Variants in TPGS2 observed in about 807,000 individuals in gnomAD.
The protein encoded by TPGS2 is tubulin polyglutamylase complex subunit 2, also known as polyglutamylase subunit 2.
TPGS2 carries 26 observed loss-of-function variants against 31.1 expected under a neutral mutation model. The ratio of observed to expected loss-of-function variants is 0.84; its 90% CI spans 0.61 to 1.16. The LOEUF (loss-of-function observed/expected upper bound fraction) is 1.16. Among genes scored for constraint, TPGS2 ranks in the 50% most tolerant of loss-of-function variants. The pLI is 0.00. For synonymous variants in TPGS2, 130 were observed against 136.6 expected (o/e 0.95, Z 0.34); for missense variants, 351 against 363.8 (o/e 0.96, Z 0.29).
At chr18:36,782,225 C>G (rs4433879), downstream of TPGS2, among the ~76,000 whole-genome samples, 3,222 of 152,158 alleles carry the variant, frequency 0.021, 121 homozygotes, top group African/African-American at 0.074. Context: ...TTGAATAAAC[C>G]TAATCTTAAT....
rs760674161 is a variant in TPGS2 at position 36,807,827 on chromosome 18, CT to C, written c.253+19del. On this transcript the variant is annotated intron_variant, in intron 3 of 6. Coordinates refer to ENST00000334295, the MANE Select transcript of TPGS2 (RefSeq NM_015476.4). Reference sequence around the variant, plus strand: ...ATCTCTCAGCCAGGGAAATGTTCTCCTACAAGGAGGCTGACTCACCATCCAG... The same window carrying C: ...ATCTCTCAGCCAGGGAAATGTTCTCCACAAGGAGGCTGACTCACCATCCAG... 1 of 1,611,908 alleles carries C rather than the reference CT, an allele frequency of 6.2e-7. No individual in the cohort carries two copies. The highest frequency in any genetic ancestry group is 1.1e-5 in the South Asian group (1 of 90,968).
At chr18:36,786,955 A>C (rs750899472) in intron 6 of TPGS2, 3 of 1,233,814 alleles carry the variant, frequency 2.4e-6, no homozygotes, top group Non-Finnish European at 3.0e-6. Flanking sequence ...CATGCTGCTG[A>C]CTCTTTGCTT....
intron 4 of TPGS2, among the ~76,000 whole-genome samples, chr18:36,802,435 G>A (rs1032794909): frequency 6.6e-6 from 1 of 151,896 alleles, no homozygotes; most frequent in African/African-American, 2.4e-5. Flanking sequence ...GCAGAGTCTT[G>A]CTCTGGTAAA....
At chr18:36,819,018 T>C (rs2045783192) in intron 1 of TPGS2, 45 bp from the exon 2 acceptor site, 2 of 1,505,592 alleles carry the variant, frequency 1.3e-6, no homozygotes, top group South Asian at 1.2e-5. Context: ...TGGTCCGCTG[T>C]CATACATTTC....
downstream of TPGS2, among the ~76,000 whole-genome samples, chr18:36,782,833 A>G (rs953113941): frequency 2.6e-5 from 4 of 152,220 alleles, no homozygotes; most frequent in Non-Finnish European, 5.9e-5. Context: ...TGGAAATGAA[A>G]TGAACGTTTG....
At chr18:36,787,571 A>T (rs557037707) in intron 6 of TPGS2, among the ~76,000 whole-genome samples, 2 of 152,366 alleles carry the variant, frequency 1.3e-5, no homozygotes, top group South Asian at 4.1e-4. Flanking sequence ...GTATTTATAC[A>T]GGAAGAGCTG....
Position 36,796,691 on chromosome 18 carries a change from A to C in TPGS2, c.*114T>G. 2.0e-6 allele frequency: 3 copies of C among 1,465,478 alleles called. No individual in the cohort carries two copies. The South Asian group carries it at 4.8e-5, about 23-fold the overall frequency. The allele number at this position is 1,465,478 out of a possible 1,614,324, so 90.8% of individuals were successfully genotyped here. ...GACTAAAAGCCTTACAATTTTGGTC[A>C]TTCAACTAGAAAGAGGCCTACGGTC... On this transcript the variant is annotated 3_prime_UTR_variant, in exon 7 of 7. Coordinates refer to ENST00000334295, the MANE Select transcript of TPGS2 (RefSeq NM_015476.4).
chr18:36,816,409 A>C (rs2045654541), intron 2 of TPGS2, among the ~76,000 whole-genome samples: 1 of 152,240 alleles, frequency 6.6e-6, no homozygotes, highest in Non-Finnish European at 1.5e-5. Context: ...AAATGGGTAA[A>C]GTCTTCTCCT....
Position 36,795,257 on chromosome 18 carries a change from T to G in TPGS2, c.*1548A>C, listed in dbSNP as rs1196495884. The stretch of plus-strand genomic sequence containing the variant: ...CTGTGGACTGCTCTTAGTTCCCCAG[T>G]GGGTTTGGAAGAGGGAAACCCTGGG... On this transcript the variant is annotated 3_prime_UTR_variant, in exon 7 of 7. Coordinates refer to ENST00000334295, the MANE Select transcript of TPGS2 (RefSeq NM_015476.4). The G allele has an allele frequency of 4.1e-6, 4 of 985,286 alleles. No individual in the cohort carries two copies. The Admixed American group carries it at 1.8e-4, about 45-fold the overall frequency. The allele number at this position is 985,286 out of a possible 1,614,324, so 61.0% of individuals were successfully genotyped here.
At chr18:36,782,092 A>G (rs1252337313), downstream of TPGS2, among the ~76,000 whole-genome samples, 1 of 152,254 alleles carries the variant, frequency 6.6e-6, no homozygotes, top group Non-Finnish European at 1.5e-5. Context: ...ATGCACAGAC[A>G]AAAGGAAGCT....
chr18:36,812,916 C>G (rs1410158080), intron 2 of TPGS2, among the ~76,000 whole-genome samples: 3 of 152,250 alleles, frequency 2.0e-5, no homozygotes, highest in Admixed American at 6.5e-5. Context: ...CACATTTGGT[C>G]ATGGAAATTT....
chr18:36,793,362 G>C (rs761967656), downstream of TPGS2, among the ~76,000 whole-genome samples: 7 of 152,212 alleles, frequency 4.6e-5, no homozygotes, highest in Non-Finnish European at 1.5e-5. Flanking sequence ...TGAGTACAAA[G>C]TAAGCATCTT....
At position 36,798,431 on chromosome 18, in the gene TPGS2, CA is replaced by C. The variant is rs1460553145; in HGVS notation, c.657+17del. The C allele has an allele frequency of 3.1e-6, 5 of 1,613,914 alleles. No individual in the cohort carries two copies. The highest frequency in any genetic ancestry group is 2.5e-6 in the Non-Finnish European group (3 of 1,179,986). On this transcript the variant is annotated intron_variant, in intron 6 of 6. Transcript: ENST00000334295. ...TGGAATATACCATAGTTTACAATGGCAGGTGTTCCTCCCTTACCTTGGCCTG... is the reference window on the plus strand; with the variant it reads ...TGGAATATACCATAGTTTACAATGGCGGTGTTCCTCCCTTACCTTGGCCTG...
At chr18:36,817,349 T>C (rs1338334387) in intron 2 of TPGS2, among the ~76,000 whole-genome samples, 1 of 152,166 alleles carries the variant, frequency 6.6e-6, no homozygotes, top group Admixed American at 6.5e-5. Context: ...AAAGGACATG[T>C]TCTTAGAGGC....
In TPGS2 at chr18:36,818,819, C is replaced by T. The variant is rs546246149; in HGVS notation, c.165+75G>A. 11 of 1,354,952 alleles carry T rather than the reference C, an allele frequency of 8.1e-6. No individual in the cohort carries two copies. In the South Asian group the frequency reaches 1.4e-4, roughly 18 times the overall value. 83.9% of individuals were successfully genotyped at this position (1,354,952 alleles called of 1,614,324 possible). A position where few individuals can be genotyped will look rare whatever the true frequency, so the allele number is the denominator to read the frequency against. The stretch of plus-strand genomic sequence containing the variant: ...GGTCTGAGTAAATATTCTTCCTCCC[C>T]TAATCTTTCCTTCTCAGGGACATTT... On this transcript the variant is annotated intron_variant, in intron 2 of 6. Coordinates refer to ENST00000334295, the MANE Select transcript of TPGS2 (RefSeq NM_015476.4).
At chr18:36,788,396 A>C (rs1330668206) in intron 6 of TPGS2, among the ~76,000 whole-genome samples, 1 of 152,188 alleles carries the variant, frequency 6.6e-6, no homozygotes, top group African/African-American at 2.4e-5. Flanking sequence ...AGTACCATCC[A>C]TATCACCGTC....
intron 2 of TPGS2, among the ~76,000 whole-genome samples, chr18:36,818,228 C>T (rs1028759841): frequency 6.6e-6 from 1 of 152,160 alleles, no homozygotes; most frequent in Admixed American, 6.5e-5. Flanking sequence ...AACCTCTAGA[C>T]TAGGGCAGGT....
In TPGS2 at chr18:36,828,969, A is replaced by C; in HGVS notation, c.-202T>G. On this transcript the variant is annotated 5_prime_UTR_variant, in exon 1 of 7. Transcript: ENST00000334295. Reference sequence around the variant, plus strand: ...TTCCCGCGGCCCCGCCCGGTGCCCCACACCGCACCTCCGGGACGTAGCTTC... The same window carrying C: ...TTCCCGCGGCCCCGCCCGGTGCCCCCCACCGCACCTCCGGGACGTAGCTTC... 1 of 1,027,644 alleles carries C rather than the reference A, an allele frequency of 9.7e-7. No individual in the cohort carries two copies. The highest frequency in any genetic ancestry group is 1.8e-5 in the South Asian group (1 of 57,054). 63.7% of individuals were successfully genotyped at this position (1,027,644 alleles called of 1,614,324 possible). A position where few individuals can be genotyped will look rare whatever the true frequency, so the allele number is the denominator to read the frequency against.
chr18:36,827,500 A>G (rs1202927103), intron 1 of TPGS2, among the ~76,000 whole-genome samples: 6 of 152,234 alleles, frequency 3.9e-5, no homozygotes, highest in Non-Finnish European at 7.3e-5. Flanking sequence ...GAACCCGCTT[A>G]GTGTGTTTAA....
Sources: gnomAD v4.1 joint callset for allele counts (sites outside exome capture counted in the v4.1 genomes callset) on GRCh38, gnomAD v4.1.1 for gene constraint, MANE v1.5 for transcripts, NCBI Gene and HGNC (gene_info 2026-07-23, HGNC 2026-07-21) for gene names.